Variants in TLN2 observed in about 807,000 individuals in gnomAD.
TLN2 encodes talin-2.
Under a neutral mutation model 294.7 loss-of-function variants are expected in TLN2, and 118 were observed. That is an observed-to-expected ratio of 0.40 (90% CI 0.34 to 0.47). TLN2 has a LOEUF of 0.47. Ranked by LOEUF, TLN2 falls within the 20% of genes least tolerant of loss-of-function variation. TLN2 has a pLI of 0.84. For synonymous variants in TLN2, 1,431 were observed against 1,304.5 expected, an observed-to-expected ratio of 1.10 and a Z score of -2.09; for missense variants, 3,083 against 3,282.2, an observed-to-expected ratio of 0.94 and a Z score of 1.48.
At position 62,762,341 on chromosome 15, in the gene TLN2, C is replaced by G. The variant is rs866187981; in HGVS notation, c.4849C>G (p.Arg1617Gly). Residue 1617 changes from arginine (R) to glycine (G), a missense_variant, in exon 39 of 59, where the codon CGC becomes GGC. By Grantham distance (125) the Arg-to-Gly change is moderately radical. Coordinates refer to ENST00000636159, the MANE Select transcript of TLN2 (RefSeq NM_015059.3). ...GCTGGAGAGTTCATCGTACCTCATTCGCACTGCACGCTCTCTGGCCATCAA... is the reference window on the plus strand; with the variant it reads ...GCTGGAGAGTTCATCGTACCTCATTGGCACTGCACGCTCTCTGGCCATCAA... The part of the protein sequence containing the change: ...TMLESSSYLI[R>G]TARSLAINPK... 2 of 1,614,212 alleles carry G rather than the reference C, an allele frequency of 1.2e-6. No homozygotes were observed. The highest frequency in any genetic ancestry group is 8.5e-7 in the Non-Finnish European group (1 of 1,180,038).
At chr15:62,779,232 C>T (rs1004539342) in intron 43 of TLN2, among the ~76,000 whole-genome samples, 7 of 152,126 alleles carry the variant, frequency 4.6e-5, no homozygotes, top group Admixed American at 1.3e-4. Context: ...ATCAGCTTTC[C>T]GGGTGACCTT....
chr15:62,791,145 G>A (rs961802653), intron 45 of TLN2, among the ~76,000 whole-genome samples: 11 of 151,418 alleles, frequency 7.3e-5, no homozygotes, highest in Admixed American at 2.0e-4. Flanking sequence ...TCAGGAGTTC[G>A]AGACCAGCCT....
rs2062074346 is a variant in TLN2 at position 62,753,877 on chromosome 15, A to G, written c.4437A>G (p.Ala1479=). Residue 1479 remains alanine, a synonymous_variant, in exon 36 of 59, where the codon GCA becomes GCG. Coordinates refer to ENST00000636159, the MANE Select transcript of TLN2 (RefSeq NM_015059.3). ...FARANQAIQM[A]CQNLVDPGSS... is the part of the protein sequence containing the mutation. ...GGGCTAACCAGGCCATCCAGATGGC[A>G]TGCCAGAACTTGGTGGACCCTGGCA... is the stretch of plus-strand genomic sequence containing the variant. The G allele has an allele frequency of 1.9e-6, 3 of 1,609,902 alleles. No individual in the cohort carries two copies. The highest frequency in any genetic ancestry group is 1.1e-5 in the South Asian group (1 of 90,026).
Position 62,689,877 on chromosome 15 carries a change from T to TTTTTA in TLN2, c.1114-2963_1114-2962insTTTTA, listed in dbSNP as rs71131119. 8.2e-3 allele frequency among the ~76,000 whole-genome samples: 81 copies of TTTTTA among 9,840 alleles called. 28 individuals are homozygous for TTTTTA. The highest frequency in any genetic ancestry group is 0.016 in the Non-Finnish European group (55 of 3,422). The allele number at this position is 9,840 out of a possible 152,430, so 6.5% of individuals were successfully genotyped here. ...TTTTTTTTTTTTTTTTTTTTTTTTT[T>TTTTTA]ATTGGCTGACCCCCCTTCCTCCCTC... On this transcript the variant is annotated intron_variant, in intron 12 of 58. Coordinates refer to ENST00000636159, the MANE Select transcript of TLN2 (RefSeq NM_015059.3).
Position 62,656,050 on chromosome 15 carries a change from G to A in TLN2, c.624G>A (p.Ser208=), listed in dbSNP as rs371312936. The A allele has an allele frequency of 3.1e-6, 5 of 1,614,050 alleles. No individual in the cohort carries two copies. The African/African-American group carries it at 4.0e-5, about 13-fold the overall frequency. The change falls in exon 8 of 59, where the codon TCG becomes TCA. Residue 208 remains serine (S), a synonymous_variant. Coordinates refer to ENST00000636159, the MANE Select transcript of TLN2 (RefSeq NM_015059.3). The stretch of plus-strand genomic sequence containing the variant: ...TTTACTCTGATCAGAATGTAGATTC[G>A]AGAGACCCCGTGCAGCTGAACTTGC... ...KFFYSDQNVD[S]RDPVQLNLLY...
chr15:62,658,758 C>T (rs2053505061), intron 9 of TLN2, among the ~76,000 whole-genome samples: 1 of 152,230 alleles, frequency 6.6e-6, no homozygotes, highest in Non-Finnish European at 1.5e-5. Flanking sequence ...TTCCCCTTCT[C>T]TTCCGCCACC....
chr15:62,653,019 G>C, intron 6 of TLN2, 143 bp from the exon 7 acceptor site: 1 of 518,348 alleles, frequency 1.9e-6, no homozygotes. Context: ...ATTTGATGTG[G>C]CCACCTCCCT....
intron 1 of TLN2, among the ~76,000 whole-genome samples, chr15:62,501,019 A>G (rs1182387037): frequency 6.6e-6 from 1 of 152,234 alleles, no homozygotes; most frequent in East Asian, 1.9e-4. Context: ...AAATAGTGCC[A>G]CTGAAAAACG....
chr15:62,548,357 A>G (rs142030109), intron 1 of TLN2, among the ~76,000 whole-genome samples: 4 of 152,318 alleles, frequency 2.6e-5, no homozygotes, highest in South Asian at 4.1e-4. Flanking sequence ...AATGGGATGG[A>G]AAAGTAGGAG....
At chr15:62,495,951 A>G (rs1196356139) in intron 1 of TLN2, among the ~76,000 whole-genome samples, 11 of 152,126 alleles carry the variant, frequency 7.2e-5, no homozygotes, top group Non-Finnish European at 2.9e-5. Context: ...AGGCCAAAAA[A>G]AAAAAAACAA....
At chr15:62,733,676 G>A (rs1193165954) in intron 28 of TLN2, among the ~76,000 whole-genome samples, 1 of 152,234 alleles carries the variant, frequency 6.6e-6, no homozygotes, top group African/African-American at 2.4e-5. Flanking sequence ...CAACCATTAT[G>A]TAGAATGCTA....
intron 1 of TLN2, among the ~76,000 whole-genome samples, chr15:62,582,171 A>G (rs1476768851): frequency 2.9e-5 from 4 of 136,492 alleles, no homozygotes; most frequent in African/African-American, 8.0e-5. Flanking sequence ...TCAGCCAGCC[A>G]TAACTTCAGT....
intron 1 of TLN2, among the ~76,000 whole-genome samples, chr15:62,526,038 T>G (rs2040720422): frequency 6.6e-6 from 1 of 152,180 alleles, no homozygotes; most frequent in African/African-American, 2.4e-5. Context: ...AATGATGTGG[T>G]TGGTCATGTA....
chr15:62,560,180 T>A (rs1203543007), intron 1 of TLN2, among the ~76,000 whole-genome samples: 2 of 152,162 alleles, frequency 1.3e-5, no homozygotes, highest in Non-Finnish European at 2.9e-5. Context: ...ATCTCTTACA[T>A]TATTTAAGTA....
At chr15:62,832,219 G>C (rs2068937367) in intron 54 of TLN2, 2 of 150,404 alleles carry the variant, frequency 1.3e-5, no homozygotes, top group South Asian at 2.1e-4. Flanking sequence ...CACAAAGTGT[G>C]AATGTCCGTA....
rs879209069 is a variant in TLN2 at position 62,841,022 on chromosome 15, T to G, written c.*412T>G. The G allele has an allele frequency of 6.5e-6, 1 of 154,298 alleles. No individual in the cohort carries two copies. The highest frequency in any genetic ancestry group is 1.4e-5 in the Non-Finnish European group (1 of 69,146). The allele number at this position is 154,298 out of a possible 1,614,324, so 9.6% of individuals were successfully genotyped here. A position where few individuals can be genotyped will look rare whatever the true frequency, so the allele number is the denominator to read the frequency against. On this transcript the variant is annotated 3_prime_UTR_variant, in exon 59 of 59. Transcript: ENST00000636159. Reference sequence around the variant, plus strand: ...TCATTGACGTCATAGAATATTCTTCTTCCTCTCAGGAGAAGACGGAAGCTG... The same window carrying G: ...TCATTGACGTCATAGAATATTCTTCGTCCTCTCAGGAGAAGACGGAAGCTG...
chr15:62,421,754 C>T (rs1005301549), intron 1 of TLN2, among the ~76,000 whole-genome samples: 15 of 151,968 alleles, frequency 9.9e-5, no homozygotes, highest in African/African-American at 3.6e-4. Flanking sequence ...GTCTGTACAG[C>T]AAACCCCCGT....
chr15:62,439,618 C>T (rs1463207730), intron 1 of TLN2, among the ~76,000 whole-genome samples: 1 of 152,076 alleles, frequency 6.6e-6, no homozygotes, highest in Non-Finnish European at 1.5e-5. Context: ...CCTATCTTAG[C>T]CAGTTTTTAT....
chr15:62,618,771 T>A (rs1028803059), intron 3 of TLN2, among the ~76,000 whole-genome samples: 1 of 152,216 alleles, frequency 6.6e-6, no homozygotes, highest in Admixed American at 6.5e-5. Context: ...AGTTTGTTTC[T>A]CCTGATGTGT....
Sources: gnomAD v4.1 joint callset for allele counts (sites outside exome capture counted in the v4.1 genomes callset) on GRCh38, gnomAD v4.1.1 for gene constraint, MANE v1.5 for transcripts, NCBI Gene and HGNC (gene_info 2026-07-23, HGNC 2026-07-21) for gene names.